The following WRN variants were observed in gnomAD, a reference collection of about 807,000 sequenced individuals.
The protein encoded by WRN is WRN RecQ like helicase, also known as bifunctional 3'-5' exonuclease/ATP-dependent helicase WRN.
A neutral mutation model predicts 180.7 loss-of-function variants in WRN; 149 were observed. The observed-to-expected ratio is 0.82, with a 90% confidence interval of 0.72 to 0.94. The LOEUF (loss-of-function observed/expected upper bound fraction) is 0.94. Among genes scored for constraint, WRN ranks in the 40% least tolerant of loss-of-function variants. The probability of loss-of-function intolerance (pLI) is 0.00; values close to 1 mark genes in which losing one functional copy is unlikely to be tolerated. For missense variants in WRN, 1,661 were observed against 1,700.1 expected (o/e 0.98, Z 0.40); for synonymous variants, 548 against 568.9 (o/e 0.96, Z 0.52).
intron 1 of WRN, among the ~76,000 whole-genome samples, chr8:31,052,248 T>C (rs1563323258): frequency 1.3e-5 from 2 of 152,194 alleles, no homozygotes; most frequent in Non-Finnish European, 2.9e-5. Context: ...TGCATGTTCT[T>C]ATAGAAAAGT....
chr8:31,164,746 G>T (rs1803782600), intron 33 of WRN, among the ~76,000 whole-genome samples: 1 of 152,106 alleles, frequency 6.6e-6, no homozygotes, highest in Non-Finnish European at 1.5e-5. Flanking sequence ...AAAATTAAGA[G>T]TGGCTTCCAA....
chr8:31,065,117 G>T lies in WRN; in HGVS notation c.504+54G>T, dbSNP rs374241418. ...GATGAAGATTATTTTGTGTTACACA[G>T]AATGTACTTTCTATCTGAATGTTAG... On this transcript the variant is annotated intron_variant, in intron 5 of 34. Transcript: ENST00000298139. 15 of 1,549,924 alleles carry T rather than the reference G, an allele frequency of 9.7e-6. 1 individual carries two copies. The African/African-American group carries it at 1.9e-4, about 20-fold the overall frequency.
chr8:31,173,430 T>C lies in WRN; in HGVS notation c.*328T>C. The stretch of plus-strand genomic sequence containing the variant: ...AAATGTTATGTGCTCTGATTTGATA[T>C]AGATAACAGATTAGTAGTTACATGG... On this transcript the variant is annotated 3_prime_UTR_variant, in exon 35 of 35. Coordinates refer to ENST00000298139, the MANE Select transcript of WRN (RefSeq NM_000553.6). 2 of 289,028 alleles carry C rather than the reference T, an allele frequency of 6.9e-6. No individual in the cohort carries two copies. The highest frequency in any genetic ancestry group is 6.6e-5 in the South Asian group (1 of 15,240). 17.9% of individuals were successfully genotyped at this position (289,028 alleles called of 1,614,324 possible).
chr8:31,147,015 A>G (rs1172064798), intron 28 of WRN, 38 bp from the exon 29 acceptor site: 3 of 1,535,856 alleles, frequency 2.0e-6, no homozygotes, highest in Non-Finnish European at 1.8e-6. Context: ...GAGGAGAAAG[A>G]AAAGCTTTTA....
chr8:31,102,596 T>C (rs1423283199), intron 18 of WRN, among the ~76,000 whole-genome samples: 2 of 152,158 alleles, frequency 1.3e-5, no homozygotes, highest in Non-Finnish European at 2.9e-5. Flanking sequence ...TCTAAACTTA[T>C]CTAATGTAGA....
chr8:31,089,584 T>C (rs1813661978), intron 13 of WRN, among the ~76,000 whole-genome samples: 1 of 152,068 alleles, frequency 6.6e-6, no homozygotes. Flanking sequence ...TTTTTATTTA[T>C]GTCTTACATA....
intron 4 of WRN, among the ~76,000 whole-genome samples, 154 bp from the exon 5 acceptor site, chr8:31,064,761 T>C (rs1012707449): frequency 1.3e-5 from 2 of 152,234 alleles, no homozygotes; most frequent in Non-Finnish European, 2.9e-5. Context: ...CAGGACTGTT[T>C]GCTTTAGTTA....
At chr8:31,041,891 C>A (rs1274578612) in intron 1 of WRN, among the ~76,000 whole-genome samples, 3 of 152,114 alleles carry the variant, frequency 2.0e-5, no homozygotes, top group African/African-American at 4.8e-5. Flanking sequence ...GTCAAGAGTT[C>A]TTTTTTATTC....
intron 34 of WRN, among the ~76,000 whole-genome samples, chr8:31,172,057 C>T (rs1804119325): frequency 6.6e-6 from 1 of 152,096 alleles, no homozygotes; most frequent in South Asian, 2.1e-4. Flanking sequence ...GTGTATGACA[C>T]TTTAGGCTTA....
intron 2 of WRN, 49 bp downstream of exon 2, chr8:31,058,592 T>TTGACTGTGCAAA (rs1283102261): frequency 6.4e-7 from 1 of 1,571,920 alleles, no homozygotes; most frequent in Non-Finnish European, 8.7e-7. Context: ...TAATTTATAT[T>TTGACTGTGCAAA]TGACTGTGCA....
chr8:31,145,033 C>G (rs1448887122), intron 28 of WRN, among the ~76,000 whole-genome samples: 1 of 152,204 alleles, frequency 6.6e-6, no homozygotes, highest in African/African-American at 2.4e-5. Context: ...GAGGTTGGTT[C>G]ATGAGGTTTA....
intron 7 of WRN, among the ~76,000 whole-genome samples, chr8:31,070,000 C>T (rs183503120): frequency 6.6e-6 from 1 of 152,154 alleles, no homozygotes; most frequent in Admixed American, 6.5e-5. Flanking sequence ...GTCCTGGTAT[C>T]TGTGTACTTG....
At chr8:31,061,868 A>G (rs1812497181) in intron 3 of WRN, among the ~76,000 whole-genome samples, 1 of 152,160 alleles carries the variant, frequency 6.6e-6, no homozygotes, top group Admixed American at 6.5e-5. Context: ...CCAGCCCCAT[A>G]GAGTTTTAGT....
intron 7 of WRN, among the ~76,000 whole-genome samples, chr8:31,069,134 T>C (rs1812816797): frequency 6.6e-6 from 1 of 152,250 alleles, no homozygotes. Context: ...AGCTTCCTTT[T>C]GGAGATTTTA....
chr8:31,147,374 A>T lies in WRN; in HGVS notation c.3470A>T (p.Tyr1157Phe). The stretch of plus-strand genomic sequence containing the variant: ...TTGTTTTTTGTTCAGATTGTGTTAT[A>T]TGGCAAATTGGTAGAAGCTAGGCAG... ...AQEQETQIVL[Y>F]GKLVEARQKH... The change falls in exon 30 of 35, where the codon TAT becomes TTT. Residue 1157 changes from tyrosine to phenylalanine, a missense_variant. By Grantham distance (22) the Tyr-to-Phe change is conservative (BLOSUM62 3). Coordinates refer to ENST00000298139, the MANE Select transcript of WRN (RefSeq NM_000553.6). 6.2e-7 allele frequency: 1 copy of T among 1,614,026 alleles called. No homozygotes were observed. Among genetic ancestry groups the T allele is most frequent in the Non-Finnish European group, 8.5e-7 (1 of 1,179,942 alleles).
At chr8:31,149,455 GTTTTTTTTTTTTTTTTTTTTTTTTT>G (rs71208105) in intron 30 of WRN, among the ~76,000 whole-genome samples, 1 of 51,976 alleles carries the variant, frequency 1.9e-5, no homozygotes, top group African/African-American at 7.7e-5. Flanking sequence ...TAATAGAGGT[GTTTTTTTTTTTTTTTTTTTTTTTTT>G]TTTTTTTTTT....
Position 31,142,699 on chromosome 8 carries a change from A to G in WRN, c.3307A>G (p.Lys1103Glu). The part of the protein sequence containing the change: ...QVPVELSTEK[K>E]SNLEKLYSYK... ...ACCAGTTGAATTAAGTACAGAGAAGAAGGTTTGTTTTAAAGAAATTGTTCT... is the reference window on the plus strand; with the variant it reads ...ACCAGTTGAATTAAGTACAGAGAAGGAGGTTTGTTTTAAAGAAATTGTTCT... Residue 1103 changes from lysine (K) to glutamate (E), a missense_variant and splice_region_variant, in exon 27 of 35, where the codon AAG (lysine) becomes GAG (glutamate). Transcript: ENST00000298139. 4 of 1,601,562 alleles carry G rather than the reference A, an allele frequency of 2.5e-6. No individual in the cohort carries two copies. The highest frequency in any genetic ancestry group is 3.4e-6 in the Non-Finnish European group (4 of 1,173,418).
chr8:31,049,209 T>G (rs1452577038), intron 1 of WRN, among the ~76,000 whole-genome samples: 1 of 7,976 alleles, frequency 1.3e-4, no homozygotes, highest in Non-Finnish European at 3.7e-4. Flanking sequence ...AGACTCTGTC[T>G]CAAAAAAAAA....
chr8:31,106,582 C>T (rs573138399), intron 18 of WRN, among the ~76,000 whole-genome samples: 10 of 152,210 alleles, frequency 6.6e-5, no homozygotes, highest in East Asian at 1.9e-4. Flanking sequence ...TCCCTGAATA[C>T]GTTTCCCCCA....
Sources: gnomAD v4.1 joint callset for allele counts (sites outside exome capture counted in the v4.1 genomes callset) on GRCh38, gnomAD v4.1.1 for gene constraint, MANE v1.5 for transcripts, NCBI Gene and HGNC (gene_info 2026-07-23, HGNC 2026-07-21) for gene names.